TRAPPC9: variants seen among roughly 807,000 people sequenced by gnomAD.
TRAPPC9 encodes trafficking protein particle complex subunit 9.
A neutral mutation model predicts 124.0 loss-of-function variants in TRAPPC9; 83 were observed. The observed-to-expected ratio is 0.67, with a 90% CI of 0.56 to 0.80. The LOEUF is 0.80. TRAPPC9 is among the 30% of genes least tolerant of loss of function. The probability of loss-of-function intolerance (pLI) is 0.00; values close to 1 mark genes in which losing one functional copy is unlikely to be tolerated. For missense variants in TRAPPC9, 1,302 were observed against 1,508.3 expected (o/e 0.86, Z 2.27); for synonymous variants, 638 against 617.5 (o/e 1.03, Z -0.49).
At chr8:140,147,838 G>A (rs191832196) in intron 17 of TRAPPC9, among the ~76,000 whole-genome samples, 3 of 152,382 alleles carry the variant, frequency 2.0e-5, no homozygotes, top group Non-Finnish European at 2.9e-5. Flanking sequence ...GCAACACGGC[G>A]GCGGCTCAGG....
intron 15 of TRAPPC9, among the ~76,000 whole-genome samples, chr8:140,256,299 G>A (rs1022423999): frequency 1.3e-5 from 2 of 152,188 alleles, no homozygotes; most frequent in African/African-American, 2.4e-5. Flanking sequence ...GTCTCCAAAT[G>A]GGAAAAGAAC....
chr8:140,020,040 A>G (rs35314690), intron 18 of TRAPPC9, among the ~76,000 whole-genome samples: 48 of 152,052 alleles, frequency 3.2e-4, no homozygotes, highest in Non-Finnish European at 5.9e-4. Context: ...TTTTAATAAT[A>G]TTATCTTATT....
At chr8:139,796,698 A>G (rs1823122089) in intron 21 of TRAPPC9, among the ~76,000 whole-genome samples, 1 of 152,236 alleles carries the variant, frequency 6.6e-6, no homozygotes, top group Non-Finnish European at 1.5e-5. Flanking sequence ...GTTATTATGA[A>G]CAACGGTGCT....
intron 21 of TRAPPC9, among the ~76,000 whole-genome samples, chr8:139,760,522 A>G (rs1820147787): frequency 6.6e-6 from 1 of 152,204 alleles, no homozygotes; most frequent in Non-Finnish European, 1.5e-5. Context: ...CTCTTTCTCA[A>G]TGAGGCCTTA....
At chr8:140,265,758 T>C (rs1295730780) in intron 15 of TRAPPC9, among the ~76,000 whole-genome samples, 2 of 152,198 alleles carry the variant, frequency 1.3e-5, no homozygotes, top group African/African-American at 4.8e-5. Flanking sequence ...TACTTTACGT[T>C]GATAATAACA....
chr8:140,126,108 C>T (rs1368242896), intron 17 of TRAPPC9, among the ~76,000 whole-genome samples: 1 of 152,014 alleles, frequency 6.6e-6, no homozygotes, highest in Non-Finnish European at 1.5e-5. Context: ...CAAATGAGGG[C>T]ATTTTGCGGT....
intron 21 of TRAPPC9, among the ~76,000 whole-genome samples, chr8:139,859,297 C>T (rs1328774101): frequency 6.6e-6 from 1 of 152,068 alleles, no homozygotes; most frequent in Non-Finnish European, 1.5e-5. Context: ...CGGCTCCTTT[C>T]CTGATCACCA....
At chr8:140,276,641 G>C (rs2065132637) in intron 14 of TRAPPC9, among the ~76,000 whole-genome samples, 2 of 152,190 alleles carry the variant, frequency 1.3e-5, no homozygotes, top group African/African-American at 4.8e-5. Context: ...CAGTGGGTTG[G>C]GAAGGAGGTC....
chr8:140,275,788 A>C lies in TRAPPC9; in HGVS notation c.2148T>G (p.Asp716Glu). The C allele has an allele frequency of 6.2e-7, 1 of 1,613,524 alleles. No individual in the cohort carries two copies. The highest frequency in any genetic ancestry group is 8.5e-7 in the Non-Finnish European group (1 of 1,179,428). ...GGACAGATACATTAGTAGATATTTCATCACCAGAAGAAGGTTGCAATGAAT... is the reference window on the plus strand; with the variant it reads ...GGACAGATACATTAGTAGATATTTCCTCACCAGAAGAAGGTTGCAATGAAT... ...SAHSLQPSSG[D>E]EISTNVSVQL... Residue 716 changes from aspartate (D) to glutamate (E), a missense_variant, in exon 15 of 23, where the codon GAT becomes GAG. By Grantham distance (45) the Asp-to-Glu change is conservative. This residue lies in a region of TRAPPC9 where 640 missense variants were observed against 679.3 expected (regional missense o/e 0.94). Coordinates refer to ENST00000438773, the MANE Select transcript of TRAPPC9 (RefSeq NM_001160372.4).
intron 21 of TRAPPC9, among the ~76,000 whole-genome samples, chr8:139,872,337 TA>T (rs1828980834): frequency 1.1e-5 from 1 of 94,810 alleles, no homozygotes. Context: ...AGTGGATGGA[TA>T]GATGCGTAGG....
intron 21 of TRAPPC9, among the ~76,000 whole-genome samples, chr8:139,797,408 C>T (rs1339096816): frequency 2.0e-5 from 3 of 152,062 alleles, no homozygotes; most frequent in Non-Finnish European, 2.9e-5. Context: ...TACAGGCACC[C>T]GCCATCATGC....
chr8:140,017,079 G>T (rs554432522), intron 18 of TRAPPC9, among the ~76,000 whole-genome samples: 1 of 152,280 alleles, frequency 6.6e-6, no homozygotes, highest in East Asian at 1.9e-4. Flanking sequence ...GGTCATTTGA[G>T]AAATATCTGT....
chr8:139,952,422 G>A (rs543784826), intron 19 of TRAPPC9, among the ~76,000 whole-genome samples: 143 of 152,320 alleles, frequency 9.4e-4, no homozygotes, highest in African/African-American at 3.2e-3. Flanking sequence ...GACTCCAGGC[G>A]TGGTGCTTTC....
intron 16 of TRAPPC9, among the ~76,000 whole-genome samples, chr8:140,247,692 T>G (rs777666610): frequency 6.6e-6 from 1 of 152,242 alleles, no homozygotes; most frequent in Non-Finnish European, 1.5e-5. Context: ...CATGCATGCA[T>G]GTACGTTAGA....
intron 21 of TRAPPC9, among the ~76,000 whole-genome samples, chr8:139,865,027 C>A (rs865901285): frequency 6.6e-6 from 1 of 152,168 alleles, no homozygotes; most frequent in East Asian, 1.9e-4. Context: ...TTCACATCTG[C>A]ACTCATTAGC....
At chr8:140,382,884 A>G (rs1202975601) in intron 7 of TRAPPC9, among the ~76,000 whole-genome samples, 1 of 152,106 alleles carries the variant, frequency 6.6e-6, no homozygotes, top group African/African-American at 2.4e-5. Flanking sequence ...CTGACCCCCA[A>G]GTAGCCTAAC....
At chr8:139,931,884 A>G (rs768039343) in intron 19 of TRAPPC9, 1 of 195,826 alleles carries the variant, frequency 5.1e-6, no homozygotes, top group Non-Finnish European at 1.0e-5. Context: ...ATTGCTCTAT[A>G]GCAGCTGACG....
At chr8:139,741,871 G>A (rs1052890624) in intron 21 of TRAPPC9, among the ~76,000 whole-genome samples, 4 of 152,162 alleles carry the variant, frequency 2.6e-5, no homozygotes, top group Non-Finnish European at 5.9e-5. Context: ...TTCTCATGGC[G>A]GGACAATACT....
chr8:140,300,545 G>A lies in TRAPPC9; in HGVS notation c.1692C>T (p.Asn564=), dbSNP rs12549048. ...AGATGAAAGGACTTTTGGTTGACAC[G>A]TTCTGACCCAGCAAGCTTTTCATTT... ...PHKMKSLLGQ[N]VSTKSPFIYS... is the part of the protein sequence containing the mutation. The change falls in exon 11 of 23, where the codon AAC becomes AAT. Residue 564 remains asparagine (N), a synonymous_variant. Coordinates refer to ENST00000438773, the MANE Select transcript of TRAPPC9 (RefSeq NM_001160372.4). The A allele has an allele frequency of 0.22, 348,190 of 1,613,968 alleles. 44,741 individuals are homozygous for A. Among genetic ancestry groups the A allele is most frequent in the East Asian group, 0.6 (27,056 of 44,874 alleles).
Sources: gnomAD v4.1 joint callset for allele counts (sites outside exome capture counted in the v4.1 genomes callset) on GRCh38, gnomAD v4.1.1 for gene constraint, gnomAD v4.1.1 regional missense constraint, MANE v1.5 for transcripts, NCBI Gene and HGNC (gene_info 2026-07-23, HGNC 2026-07-21) for gene names.